Variants in NOTCH2 observed in about 807,000 individuals in gnomAD.
NOTCH2 encodes neurogenic locus notch homolog protein 2.
Under a neutral mutation model 235.8 loss-of-function variants are expected in NOTCH2, and 29 were observed. That is an observed-to-expected ratio of 0.12 (90% CI 0.09 to 0.17). NOTCH2 has a LOEUF of 0.17. Ranked by LOEUF, NOTCH2 falls within the 10% of genes least tolerant of loss-of-function variation. NOTCH2 has a pLI of 1.00. For synonymous variants in NOTCH2, 1,086 were observed against 1,141.5 expected (o/e 0.95, Z 0.98); for missense variants, 2,285 against 3,150.2 (o/e 0.73, Z 6.57).
At chr1:119,916,822 A>C in intron 33 of NOTCH2, 128 bp from the exon 34 acceptor site, 1 of 902,856 alleles carries the variant, frequency 1.1e-6, no homozygotes, top group Non-Finnish European at 1.8e-6. Context: ...TGAAATATTA[A>C]CACCACAGAT....
chr1:120,053,738 C>G lies in NOTCH2; in HGVS notation c.73+15596G>C, dbSNP rs587717134. Among the ~76,000 whole-genome samples, 385 of 133,700 alleles carry G rather than the reference C, an allele frequency of 2.9e-3. 14 individuals carry two copies. The highest frequency in any genetic ancestry group is 4.4e-3 in the Non-Finnish European group (282 of 64,440). The allele number at this position is 133,700 out of a possible 152,430, so 87.7% of individuals were successfully genotyped here. A position where few individuals can be genotyped will look rare whatever the true frequency, so the allele number is the denominator to read the frequency against. On this transcript the variant is annotated intron_variant, in intron 1 of 33. Transcript: ENST00000256646. ...GAAACAAGGTCTAGAGACAAATGTT[C>G]CCAGGCTATATATTCCAAAGGAGGA...
intron 11 of NOTCH2, among the ~76,000 whole-genome samples, chr1:119,960,457 A>AAATATATTTGT (rs1272030757): frequency 6.7e-6 from 1 of 150,318 alleles, no homozygotes; most frequent in South Asian, 2.1e-4. Flanking sequence ...GATATTTGTG[A>AAATATATTTGT]AATATATTTG....
rs187731832 is a variant in NOTCH2, at chr1:119,965,481, C to T, written c.1653G>A (p.Pro551=). The change falls in exon 10 of 34, where the codon CCG becomes CCA. Residue 551 remains proline, a synonymous_variant. Coordinates refer to ENST00000256646, the MANE Select transcript of NOTCH2 (RefSeq NM_024408.4). Reference sequence around the variant, plus strand: ...TGGCACACTGGCATTCATAGCCATTCGGGTGATCGATACACTTTGCCCCAT... The same window carrying T: ...TGGCACACTGGCATTCATAGCCATTTGGGTGATCGATACACTTTGCCCCAT... ...CLNGAKCIDH[P]NGYECQCATG... is the part of the protein sequence containing the mutation. 85 of 1,613,868 alleles carry T rather than the reference C, an allele frequency of 5.3e-5. No homozygotes were observed. The East Asian group carries it at 1.5e-3, about 28-fold the overall frequency.
Position 119,914,942 on chromosome 1 carries a change from T to G in NOTCH2, c.*364A>C. 2.4e-6 allele frequency: 1 copy of G among 410,456 alleles called. No homozygotes were observed. Among genetic ancestry groups the G allele is most frequent in the Non-Finnish European group, 4.5e-6 (1 of 221,084 alleles). 25.4% of individuals were successfully genotyped at this position (410,456 alleles called of 1,614,324 possible). A position where few individuals can be genotyped will look rare whatever the true frequency, so the allele number is the denominator to read the frequency against. The stretch of plus-strand genomic sequence containing the variant: ...AACAGGACGCTAGTGTAGAATCTTC[T>G]CATGGATATGGCAGAAGCCTGCAGG... On this transcript the variant is annotated 3_prime_UTR_variant, in exon 34 of 34. Coordinates refer to ENST00000256646, the MANE Select transcript of NOTCH2 (RefSeq NM_024408.4).
chr1:120,004,944 GT>G (rs1251869660), intron 3 of NOTCH2, among the ~76,000 whole-genome samples: 1 of 152,052 alleles, frequency 6.6e-6, no homozygotes, highest in African/African-American at 2.4e-5. Context: ...GACTAATTTT[GT>G]TTTATTTTTA....
intron 14 of NOTCH2, among the ~76,000 whole-genome samples, chr1:119,951,766 T>C (rs1420680028): frequency 1.3e-5 from 2 of 152,226 alleles, no homozygotes; most frequent in Non-Finnish European, 2.9e-5. Context: ...AGAGAAACTA[T>C]GGCACTGTGG....
chr1:119,968,152 C>A lies in NOTCH2; in HGVS notation c.1189G>T (p.Gly397Trp). The A allele has an allele frequency of 6.2e-7, 1 of 1,614,050 alleles. No homozygotes were observed. Among genetic ancestry groups the A allele is most frequent in the Non-Finnish European group, 8.5e-7 (1 of 1,179,960 alleles). ...TGTGGGCAGGTGCAAATATATTGCC[C>A]ATTTAGGGGGTTGGTGTCACACAGT... ...GALCDTNPLN[G>W]QYICTCPQGY... The change falls in exon 7 of 34, where the codon GGG becomes TGG. Residue 397 changes from glycine (G) to tryptophan (W), a missense_variant. Physicochemically the swap from Gly to Trp is radical, Grantham distance 184. Transcript: ENST00000256646.
intron 5 of NOTCH2, 74 bp downstream of exon 5, chr1:119,986,886 T>C: frequency 7.5e-6 from 12 of 1,600,152 alleles, no homozygotes; most frequent in Non-Finnish European, 9.4e-6. Flanking sequence ...TTGTTACTGA[T>C]ATTTTAAAAA....
intron 2 of NOTCH2, among the ~76,000 whole-genome samples, chr1:120,009,079 A>G (rs1240516349): frequency 2.6e-5 from 4 of 152,128 alleles, no homozygotes; most frequent in African/African-American, 9.7e-5. Context: ...CAGGTATCTT[A>G]GGGAAACACA....
chr1:119,987,838 A>G (rs1334467118), intron 4 of NOTCH2, among the ~76,000 whole-genome samples: 3 of 152,178 alleles, frequency 2.0e-5, no homozygotes, highest in East Asian at 3.9e-4. Context: ...CTAAACTTAC[A>G]GCATTGCTTC....
intron 23 of NOTCH2, 67 bp from the exon 24 acceptor site, chr1:119,926,678 CTT>C: frequency 7.5e-7 from 1 of 1,338,436 alleles, no homozygotes; most frequent in Non-Finnish European, 1.0e-6. Context: ...ACTCAACAAA[CTT>C]TGCTGGGATG....
At chr1:119,934,168 G>A (rs1284827954) in intron 22 of NOTCH2, among the ~76,000 whole-genome samples, 1 of 152,212 alleles carries the variant, frequency 6.6e-6, no homozygotes, top group African/African-American at 2.4e-5. Flanking sequence ...TCCAATGTTG[G>A]AGGTGGGGCC....
At chr1:119,920,121 G>T in intron 30 of NOTCH2, 108 bp downstream of exon 30, 2 of 1,225,758 alleles carry the variant, frequency 1.6e-6, no homozygotes, top group Non-Finnish European at 2.4e-6. Flanking sequence ...TTTAGAGTCT[G>T]TGAAATTGGG....
rs17024517 is a variant in NOTCH2, at chr1:119,922,639, C to T, written c.4999G>A (p.Val1667Ile). The T allele has an allele frequency of 2.9e-3, 4,753 of 1,614,022 alleles. 8 individuals are homozygous for T. The highest frequency in any genetic ancestry group is 3.5e-3 in the Non-Finnish European group (4,094 of 1,180,038). ...CCTTTACACCAGTGCCACTCACTGA[C>T]GACAGACACAAGAGGGTATGACAGG... ...GTLSYPLVSV[V>I]SESLTPERTQ... Residue 1667 changes from valine (V) to isoleucine (I), a missense_variant, in exon 27 of 34, where the codon GTC (valine) becomes ATC (isoleucine). Physicochemically the swap from Val to Ile is conservative, Grantham distance 29. This residue lies in a region of NOTCH2 where 1,173 missense variants were observed against 1,515.3 expected (regional missense o/e 0.77). Transcript: ENST00000256646.
intron 1 of NOTCH2, among the ~76,000 whole-genome samples, chr1:120,055,186 CAAGT>C (rs1553215065): frequency 1.4e-5 from 1 of 70,548 alleles, no homozygotes; most frequent in Non-Finnish European, 2.7e-5. Flanking sequence ...CTAAAGGAAA[CAAGT>C]AAAGTATTTT....
chr1:119,916,222 G>A lies in NOTCH2; in HGVS notation c.6500C>T (p.Ser2167Phe), dbSNP rs746028501. The A allele has an allele frequency of 1.9e-6, 3 of 1,614,130 alleles. No homozygotes were observed. Among genetic ancestry groups the A allele is most frequent in the Non-Finnish European group, 1.7e-6 (2 of 1,180,054 alleles). The change falls in exon 34 of 34, where the codon TCT becomes TTT. Residue 2167 changes from serine to phenylalanine, a missense_variant. Ser to Phe is a radical substitution (Grantham distance 155). This residue lies in a region of NOTCH2 where 504 missense variants were observed against 538.0 expected (regional missense o/e 0.94). Coordinates refer to ENST00000256646, the MANE Select transcript of NOTCH2 (RefSeq NM_024408.4). ...PHTYVSDTTS[S>F]PMITSPGILQ... ...GATCCCAGGGGATGTAATCATTGGA[G>A]AGGATGTGGTGTCGGAAACATACGT...
intron 5 of NOTCH2, among the ~76,000 whole-genome samples, chr1:119,978,767 A>AT (rs1651695662): frequency 1.3e-5 from 2 of 152,052 alleles, no homozygotes; most frequent in South Asian, 4.2e-4. Context: ...AGTTTACATA[A>AT]AAGCCCCTCA....
At chr1:119,918,256 G>T in intron 32 of NOTCH2, 150 bp downstream of exon 32, 1 of 909,220 alleles carries the variant, frequency 1.1e-6, no homozygotes. Context: ...TCTGAGCTCA[G>T]CATGTTAAAT....
At chr1:119,989,022 T>C (rs1217247374) in intron 4 of NOTCH2, among the ~76,000 whole-genome samples, 1 of 152,202 alleles carries the variant, frequency 6.6e-6, no homozygotes, top group Non-Finnish European at 1.5e-5. Context: ...GTTGAGGTAC[T>C]TTTTCCCTGT....
Sources: gnomAD v4.1 joint callset for allele counts (sites outside exome capture counted in the v4.1 genomes callset) on GRCh38, gnomAD v4.1.1 for gene constraint, gnomAD v4.1.1 regional missense constraint, MANE v1.5 for transcripts, NCBI Gene and HGNC (gene_info 2026-07-23, HGNC 2026-07-21) for gene names.